Variants in CERKL observed in about 807,000 individuals in gnomAD.
CERKL encodes ceramide kinase-like protein.
Under a neutral mutation model 63.4 loss-of-function variants are expected in CERKL, and 61 were observed. That is an observed-to-expected ratio of 0.96 (90% CI 0.78 to 1.19). CERKL has a LOEUF of 1.19. Ranked by LOEUF, CERKL falls within the 50% of genes most tolerant of loss-of-function variation. The pLI is 0.00. For missense variants in CERKL, 675 were observed against 655.5 expected (o/e 1.03, Z -0.33); for synonymous variants, 250 against 230.5 (o/e 1.08, Z -0.77).
intron 1 of CERKL, among the ~76,000 whole-genome samples, chr2:181,644,820 C>CA (rs1450716065): frequency 1.3e-5 from 2 of 151,856 alleles, no homozygotes; most frequent in Non-Finnish European, 2.9e-5. Flanking sequence ...ATGAATCATT[C>CA]AAATAAAAAA....
At chr2:181,578,799 A>G (rs975843528) in intron 2 of CERKL, among the ~76,000 whole-genome samples, 6 of 151,912 alleles carry the variant, frequency 3.9e-5, no homozygotes, top group Non-Finnish European at 7.4e-5. Flanking sequence ...ATTTACTTCA[A>G]TTCTTTTGTA....
chr2:181,565,518 T>A (rs1688627359), intron 4 of CERKL: 1 of 1,584,390 alleles, frequency 6.3e-7, no homozygotes, highest in African/African-American at 1.3e-5. Context: ...CCACTGTGAA[T>A]AACATACCTA....
chr2:181,586,456 T>C (rs1010185796), intron 2 of CERKL, among the ~76,000 whole-genome samples: 1 of 151,854 alleles, frequency 6.6e-6, no homozygotes, highest in African/African-American at 2.4e-5. Context: ...AAAAAAAAGA[T>C]GAATTTCAAA....
chr2:181,578,248 A>G (rs1184040630), intron 2 of CERKL, among the ~76,000 whole-genome samples: 2 of 129,434 alleles, frequency 1.5e-5, no homozygotes, highest in African/African-American at 6.1e-5. Context: ...GTGTGTATAT[A>G]TATGTGTGTG....
rs536277636 is a variant in CERKL at position 181,640,328 on chromosome 2, A to G, written c.238+16441T>C. ...TTCCTTCCTGTTGCTCACCACACCC[A>G]CGTACACATGTAGACACACACAATC... On this transcript the variant is annotated intron_variant, in intron 1 of 12. Coordinates refer to ENST00000410087, the MANE Select transcript of CERKL (RefSeq NM_201548.5). 4.3e-4 allele frequency among the ~76,000 whole-genome samples: 66 copies of G among 152,242 alleles called. No homozygotes were observed. The South Asian group carries it at 0.013, about 30-fold the overall frequency.
At chr2:181,563,190 C>G (rs562980035) in intron 4 of CERKL, among the ~76,000 whole-genome samples, 3 of 152,112 alleles carry the variant, frequency 2.0e-5, no homozygotes, top group African/African-American at 4.8e-5. Context: ...GAATCTGAAG[C>G]TCTCATAAGG....
chr2:181,601,639 A>C (rs1267510554), intron 2 of CERKL, among the ~76,000 whole-genome samples: 1 of 152,220 alleles, frequency 6.6e-6, no homozygotes, highest in African/African-American at 2.4e-5. Flanking sequence ...AGCCTCAACC[A>C]TTCATTTGTG....
intron 1 of CERKL, among the ~76,000 whole-genome samples, chr2:181,647,539 G>A (rs1040656565): frequency 1.3e-5 from 2 of 152,056 alleles, no homozygotes; most frequent in African/African-American, 4.8e-5. Flanking sequence ...AAACTACACA[G>A]AGACCATGGT....
chr2:181,544,854 A>G, intron 10 of CERKL, 58 bp from the exon 11 acceptor site: 1 of 963,620 alleles, frequency 1.0e-6, no homozygotes, highest in Admixed American at 1.9e-5. Flanking sequence ...TATACCAAAA[A>G]TTATGACATA....
intron 11 of CERKL, 53 bp downstream of exon 11, chr2:181,544,647 T>C: frequency 9.4e-7 from 1 of 1,059,536 alleles, no homozygotes; most frequent in Non-Finnish European, 1.4e-6. Flanking sequence ...GCAGCATCTT[T>C]TTCTACATGA....
At chr2:181,592,371 T>C (rs907632978) in intron 2 of CERKL, among the ~76,000 whole-genome samples, 1 of 152,194 alleles carries the variant, frequency 6.6e-6, no homozygotes, top group Non-Finnish European at 1.5e-5. Context: ...AAGTTTATTG[T>C]TTTAACCAGA....
At position 181,653,732 on chromosome 2, in the gene CERKL, G is replaced by A. The variant is rs1688030888; in HGVS notation, c.238+3037C>T. Among the ~76,000 whole-genome samples the A allele has an allele frequency of 2.6e-5, 4 of 152,288 alleles. No individual in the cohort carries two copies. In the South Asian group the frequency reaches 8.3e-4, roughly 32 times the overall value. On this transcript the variant is annotated intron_variant, in intron 1 of 12. Coordinates refer to ENST00000410087, the MANE Select transcript of CERKL (RefSeq NM_201548.5). ...TATAGATAAGGCAGAGATTAGAATA[G>A]TTACCAGAGACTGGGAAGGGGAGGG...
At chr2:181,545,751 A>C (rs1687700112) in intron 10 of CERKL, among the ~76,000 whole-genome samples, 1 of 152,206 alleles carries the variant, frequency 6.6e-6, no homozygotes, top group Non-Finnish European at 1.5e-5. Context: ...AAAAATAAAC[A>C]GCACCAAAAC....
intron 1 of CERKL, among the ~76,000 whole-genome samples, chr2:181,608,750 A>T (rs1262712497): frequency 6.6e-6 from 1 of 152,212 alleles, no homozygotes; most frequent in East Asian, 1.9e-4. Flanking sequence ...GAAATAAAAG[A>T]CAGTAATTGA....
intron 5 of CERKL, among the ~76,000 whole-genome samples, chr2:181,557,199 A>T (rs1688250582): frequency 6.6e-6 from 1 of 151,890 alleles, no homozygotes; most frequent in East Asian, 1.9e-4. Flanking sequence ...TTGCCTGTTC[A>T]CTCTGATGGT....
rs528654730 is a variant in CERKL, at chr2:181,562,496, A to G, written c.677+3562T>C. 3.1e-4 allele frequency among the ~76,000 whole-genome samples: 47 copies of G among 152,314 alleles called. No homozygotes were observed. In the Middle Eastern group the frequency reaches 0.014, roughly 44 times the overall value. On this transcript the variant is annotated intron_variant, in intron 4 of 12. Coordinates refer to ENST00000410087, the MANE Select transcript of CERKL (RefSeq NM_201548.5). ...TTTTTTCATCAACAGCTTCTTACAA[A>G]AATATCACAAGAGTCTAAATATACA...
chr2:181,561,071 C>T (rs980185387), intron 4 of CERKL, among the ~76,000 whole-genome samples: 1 of 152,056 alleles, frequency 6.6e-6, no homozygotes, highest in Non-Finnish European at 1.5e-5. Flanking sequence ...GGATATGCCT[C>T]CTTATACCCT....
chr2:181,642,530 T>A (rs1193874954), intron 1 of CERKL, among the ~76,000 whole-genome samples: 3 of 152,240 alleles, frequency 2.0e-5, no homozygotes, highest in African/African-American at 7.2e-5. Context: ...TTGACTCTCT[T>A]GTAACAATAA....
intron 8 of CERKL, 85 bp from the exon 9 acceptor site, chr2:181,547,932 G>GA: frequency 9.2e-7 from 1 of 1,083,944 alleles, no homozygotes; most frequent in South Asian, 1.3e-5. Context: ...TTAAATATGA[G>GA]AAAATTAGAG....
Sources: allele counts gnomAD v4.1 joint callset (sites outside exome capture counted in the v4.1 genomes callset), GRCh38; gene constraint gnomAD v4.1.1; transcripts MANE v1.5; gene names NCBI Gene and HGNC (gene_info 2026-07-23, HGNC 2026-07-21).